CABIN1: variants seen among roughly 807,000 people sequenced by gnomAD.
The protein encoded by CABIN1 is calcineurin-binding protein cabin-1.
A neutral mutation model predicts 227.7 loss-of-function variants in CABIN1; 133 were observed. The observed-to-expected ratio is 0.58, with a 90% CI of 0.51 to 0.67. The LOEUF is 0.67. Among genes scored for constraint, CABIN1 ranks in the 30% least tolerant of loss-of-function variants. CABIN1 has a pLI of 0.00. For synonymous variants in CABIN1, 1,086 were observed against 1,155.1 expected, an observed-to-expected ratio of 0.94 and a Z score of 1.21; for missense variants, 2,408 against 2,852.5, an observed-to-expected ratio of 0.84 and a Z score of 3.55.
At chr22:24,167,345 G>C (rs942843007) in intron 32 of CABIN1, 32 bp downstream of exon 32, 6 of 1,595,026 alleles carry the variant, frequency 3.8e-6, no homozygotes, top group Non-Finnish European at 4.3e-6. Flanking sequence ...GGGGGCACTA[G>C]TCTGCTGGCA....
intron 12 of CABIN1, among the ~76,000 whole-genome samples, chr22:24,061,058 CAGGCGGGA>C (rs1340534592): frequency 6.6e-6 from 1 of 152,184 alleles, no homozygotes; most frequent in Admixed American, 6.5e-5. Flanking sequence ...ACTGGGATGA[CAGGCGGGA>C]GCCACCATGC....
intron 29 of CABIN1, among the ~76,000 whole-genome samples, chr22:24,152,818 T>C (rs140320): frequency 0.42 from 63,516 of 151,828 alleles, 13,948 homozygotes; most frequent in African/African-American, 0.55. Context: ...GGCGTGGTGG[T>C]GTGTGCCTGT....
chr22:24,091,491 CA>C, intron 23 of CABIN1, 91 bp from the exon 24 acceptor site: 1 of 1,528,412 alleles, frequency 6.5e-7, no homozygotes, highest in Non-Finnish European at 9.1e-7. Context: ...TATAAACTTG[CA>C]AATAGGTCGG....
intron 28 of CABIN1, among the ~76,000 whole-genome samples, chr22:24,132,698 C>T (rs1271139049): frequency 2.0e-5 from 3 of 152,242 alleles, no homozygotes; most frequent in Non-Finnish European, 2.9e-5. Context: ...AGTGATTCTC[C>T]TGCCTCAGCC....
chr22:24,096,347 A>G (rs1271241279), intron 25 of CABIN1, among the ~76,000 whole-genome samples: 1 of 152,066 alleles, frequency 6.6e-6, no homozygotes, highest in African/African-American at 2.4e-5. Context: ...TCCTGGGGAG[A>G]AGCTGATGCC....
intron 35 of CABIN1, 34 bp downstream of exon 35, chr22:24,176,309 C>T (rs754527862): frequency 3.2e-5 from 50 of 1,574,156 alleles, no homozygotes; most frequent in Middle Eastern, 1.9e-4. Context: ...AGCACCAGCC[C>T]CCAGGAGGCT....
At chr22:24,037,124 G>A (rs532881967) in intron 3 of CABIN1, among the ~76,000 whole-genome samples, 27 of 152,152 alleles carry the variant, frequency 1.8e-4, no homozygotes, top group Admixed American at 1.6e-3. Flanking sequence ...GCTGGGCGTG[G>A]TGGTGCATGT....
intron 33 of CABIN1, chr22:24,169,992 A>G: frequency 2.6e-6 from 1 of 379,192 alleles, no homozygotes. Context: ...GAGCCAGGGG[A>G]CCCAGGTCCT....
In CABIN1 at chr22:24,019,777, C is replaced by T. The variant is rs149179428; in HGVS notation, c.-75+8410C>T. Among the ~76,000 whole-genome samples, 383 of 151,278 alleles carry T rather than the reference C, an allele frequency of 2.5e-3. 6 individuals are homozygous for T. The South Asian group carries it at 0.035, about 14-fold the overall frequency. ...GGTTCAAGCAATTCTCCTGCTTCACCCTCCCGAGTAGCTGGGATCACAGGC... is the reference window on the plus strand; with the variant it reads ...GGTTCAAGCAATTCTCCTGCTTCACTCTCCCGAGTAGCTGGGATCACAGGC... On this transcript the variant is annotated intron_variant, in intron 1 of 36. Transcript: ENST00000263119.
chr22:24,123,765 G>T (rs2043556683), intron 28 of CABIN1, among the ~76,000 whole-genome samples: 1 of 152,238 alleles, frequency 6.6e-6, no homozygotes, highest in Admixed American at 6.5e-5. Flanking sequence ...ACAGCTGTTT[G>T]TTAACAAACA....
intron 28 of CABIN1, among the ~76,000 whole-genome samples, chr22:24,121,840 C>T (rs1364678236): frequency 5.9e-5 from 9 of 152,272 alleles, no homozygotes; most frequent in Non-Finnish European, 8.8e-5. Context: ...ATGCAGCCCC[C>T]TCCAGCTGTG....
At chr22:24,102,322 G>A (rs2147502197) in intron 26 of CABIN1, 1 of 152,336 alleles carries the variant, frequency 6.6e-6, no homozygotes, top group South Asian at 2.1e-4. Flanking sequence ...TAAAATCCTT[G>A]CTCTCTGCCT....
intron 29 of CABIN1, chr22:24,156,208 T>C (rs2045793445): frequency 7.7e-6 from 3 of 388,320 alleles, no homozygotes; most frequent in Admixed American, 4.5e-5. Context: ...AATCGTCCCC[T>C]GGTGGGCTCT....
rs748411422 is a variant in CABIN1, at chr22:24,119,709, G to C, written c.4632+11G>C. On this transcript the variant is annotated intron_variant, in intron 28 of 36. Coordinates refer to ENST00000263119, the MANE Select transcript of CABIN1 (RefSeq NM_012295.4). ...AGCAAGACCCACCGGGTGAGTGGCT[G>C]CCGGGCCAAGGGGGCTTGGATCTTC... The C allele has an allele frequency of 1.9e-6, 3 of 1,612,588 alleles. No homozygotes were observed. The highest frequency in any genetic ancestry group is 2.2e-5 in the South Asian group (2 of 91,074).
chr22:24,156,445 A>G (rs1769130399), intron 29 of CABIN1: 2 of 205,802 alleles, frequency 9.7e-6, no homozygotes, highest in Non-Finnish European at 9.6e-6. Context: ...CAGCGCATCC[A>G]GCCCTACCAA....
intron 6 of CABIN1, among the ~76,000 whole-genome samples, chr22:24,043,346 G>C (rs1333919021): frequency 2.6e-5 from 1 of 38,538 alleles, no homozygotes; most frequent in African/African-American, 1.1e-4. Context: ...GCAAGGTTTT[G>C]TTTGCTTGAC....
At chr22:24,061,257 G>A (rs1470345397) in intron 12 of CABIN1, among the ~76,000 whole-genome samples, 1 of 152,202 alleles carries the variant, frequency 6.6e-6, no homozygotes, top group Non-Finnish European at 1.5e-5. Context: ...AACACAAGGT[G>A]CTCTGGCCCC....
chr22:24,175,533 C>T (rs1304746990), intron 34 of CABIN1, among the ~76,000 whole-genome samples: 1 of 152,218 alleles, frequency 6.6e-6, no homozygotes, highest in Non-Finnish European at 1.5e-5. Flanking sequence ...AACCGGGGAC[C>T]GATGCTGAGT....
chr22:24,098,047 C>T lies in CABIN1; in HGVS notation c.3972C>T (p.His1324=), dbSNP rs146973365. The change falls in exon 26 of 37, where the codon CAC becomes CAT. Residue 1324 remains histidine (H), a synonymous_variant. Coordinates refer to ENST00000263119, the MANE Select transcript of CABIN1 (RefSeq NM_012295.4). ...CCTGCCTGGTGGACGAGGACTCCCA[C>T]TCTTCAGCTGGGACACTGCCGGGCC... is the stretch of plus-strand genomic sequence containing the variant. The part of the protein sequence containing the change: ...EKACLVDEDS[H]SSAGTLPGPG... 30 of 1,614,096 alleles carry T rather than the reference C, an allele frequency of 1.9e-5. No individual in the cohort carries two copies. Among genetic ancestry groups the T allele is most frequent in the African/African-American group, 2.7e-5 (2 of 74,938 alleles).
Sources: gnomAD v4.1 joint callset for allele counts (sites outside exome capture counted in the v4.1 genomes callset) on GRCh38, gnomAD v4.1.1 for gene constraint, MANE v1.5 for transcripts, NCBI Gene and HGNC (gene_info 2026-07-23, HGNC 2026-07-21) for gene names.